PIP5K1C: variants seen among roughly 807,000 people sequenced by gnomAD.
The protein encoded by PIP5K1C is phosphatidylinositol-4-phosphate 5-kinase type 1 gamma, also known as phosphatidylinositol 4-phosphate 5-kinase type-1 gamma.
A neutral mutation model predicts 80.1 loss-of-function variants in PIP5K1C; 45 were observed. The observed-to-expected ratio is 0.56, with a 90% CI of 0.44 to 0.72. The LOEUF is 0.72. PIP5K1C is among the 30% of genes least tolerant of loss of function. PIP5K1C has a pLI of 0.00. For missense variants in PIP5K1C, 753 were observed against 954.6 expected (o/e 0.79, Z 2.78); for synonymous variants, 498 against 420.1 (o/e 1.19, Z -2.27).
rs1036604990 is a variant in PIP5K1C at position 3,637,311 on chromosome 19, C to T, written c.1920+1573G>A. ...CTGGTGATGGTGCTGCCCTATGGAG[C>T]GCCCGGTTCGACGTGGGACCGAATG... On this transcript the variant is annotated intron_variant, in intron 16 of 17. Coordinates refer to ENST00000335312, the MANE Select transcript of PIP5K1C (RefSeq NM_012398.3). This position sits in a 1 kb window ranked among gnomAD's most constrained non-coding sequence, Gnocchi z 7.0. The T allele has an allele frequency of 6.9e-5, 104 of 1,517,854 alleles. 5 individuals are homozygous for T. The South Asian group carries it at 9.6e-4, about 14-fold the overall frequency. 94.0% of individuals were successfully genotyped at this position (1,517,854 alleles called of 1,614,324 possible).
At chr19:3,699,347 A>T (rs1486300298) in intron 1 of PIP5K1C, among the ~76,000 whole-genome samples, 1 of 138,574 alleles carries the variant, frequency 7.2e-6, no homozygotes, top group Middle Eastern at 3.6e-3. Flanking sequence ...TGGGGGGGGG[A>T]CTTGATGACT....
At chr19:3,685,468 T>C (rs1476364656) in intron 1 of PIP5K1C, among the ~76,000 whole-genome samples, 2 of 151,838 alleles carry the variant, frequency 1.3e-5, no homozygotes, top group Non-Finnish European at 1.5e-5. Context: ...CGGTGGCTCA[T>C]GCCTGTAATC....
At chr19:3,667,973 G>C (rs558305316) in intron 1 of PIP5K1C, among the ~76,000 whole-genome samples, 4 of 152,294 alleles carry the variant, frequency 2.6e-5, no homozygotes, top group African/African-American at 9.6e-5. Context: ...CCCCAGGGCT[G>C]CCGCCCTCCC....
chr19:3,646,143 G>A (rs1302623479), intron 10 of PIP5K1C, 85 bp from the exon 11 acceptor site: 4 of 816,842 alleles, frequency 4.9e-6, no homozygotes, highest in Non-Finnish European at 8.7e-6. Context: ...CGCTGTATGT[G>A]TGTGGGGGGC....
chr19:3,687,505 A>G (rs948420052), intron 1 of PIP5K1C, among the ~76,000 whole-genome samples: 1 of 150,464 alleles, frequency 6.6e-6, no homozygotes, highest in Non-Finnish European at 1.5e-5. Context: ...ACACGCACAC[A>G]TGCACATACA....
chr19:3,655,862 C>G (rs1204085971), intron 6 of PIP5K1C, among the ~76,000 whole-genome samples: 1 of 152,222 alleles, frequency 6.6e-6, no homozygotes, highest in Non-Finnish European at 1.5e-5. Context: ...TGGCAGCCGC[C>G]GGCTCCTACT....
intron 16 of PIP5K1C, 137 bp downstream of exon 16, chr19:3,638,747 A>T: frequency 9.0e-7 from 1 of 1,111,664 alleles, no homozygotes; most frequent in Non-Finnish European, 1.3e-6. Context: ...GGCTGGTGAG[A>T]GAGCATGTGG....
At chr19:3,677,594 G>A (rs2035400686) in intron 1 of PIP5K1C, among the ~76,000 whole-genome samples, 1 of 151,246 alleles carries the variant, frequency 6.6e-6, no homozygotes, top group African/African-American at 2.4e-5. Context: ...AAAAAAAAGA[G>A]ACAGTGAGTC....
chr19:3,650,665 G>A (rs565656242), intron 8 of PIP5K1C, among the ~76,000 whole-genome samples: 1 of 152,354 alleles, frequency 6.6e-6, no homozygotes, highest in African/African-American at 2.4e-5. Flanking sequence ...GGCCTGCCTG[G>A]TCCCTCTGCC....
chr19:3,679,791 G>A (rs569160892), intron 1 of PIP5K1C, among the ~76,000 whole-genome samples: 3 of 152,364 alleles, frequency 2.0e-5, no homozygotes, highest in African/African-American at 7.2e-5. Flanking sequence ...AGGGTTGGAG[G>A]GGCCCAAGGG....
In PIP5K1C at chr19:3,664,892, G is replaced by C; in HGVS notation, c.149C>G (p.Pro50Arg). Reference sequence around the variant, plus strand: ...CAACTTCTTCCCATGGCCAGGGCCCGGCTGTGCCGTCATGGACAGAACCTG... The same window carrying C: ...CAACTTCTTCCCATGGCCAGGGCCCCGCTGTGCCGTCATGGACAGAACCTG... ...PTEVLSMTAQ[P>R]GPGHGKKLGH... Residue 50 changes from proline (P) to arginine (R), a missense_variant, in exon 3 of 18, where the codon CCG becomes CGG. Physicochemically the swap from Pro to Arg is moderately radical, Grantham distance 103. Around this residue, in one of 6 missense-constraint regions of PIP5K1C, gnomAD observed 139 missense variants for 289.7 expected, o/e 0.48. Coordinates refer to ENST00000335312, the MANE Select transcript of PIP5K1C (RefSeq NM_012398.3). 1.9e-6 allele frequency: 3 copies of C among 1,613,106 alleles called. No individual in the cohort carries two copies. Among genetic ancestry groups the C allele is most frequent in the Non-Finnish European group, 2.5e-6 (3 of 1,179,916 alleles).
rs367649186 is a variant in PIP5K1C, at chr19:3,651,811, C to T, written c.1127+15G>A. On this transcript the variant is annotated intron_variant, in intron 8 of 17. Coordinates refer to ENST00000335312, the MANE Select transcript of PIP5K1C (RefSeq NM_012398.3). Reference sequence around the variant, plus strand: ...AGGGAAGCGGGACGGGTCCGGCGGCCCCCCGCCCACCTACGTGTCATCCGA... The same window carrying T: ...AGGGAAGCGGGACGGGTCCGGCGGCTCCCCGCCCACCTACGTGTCATCCGA... 529 of 1,607,836 alleles carry T rather than the reference C, an allele frequency of 3.3e-4. No individual in the cohort carries two copies. Among genetic ancestry groups the T allele is most frequent in the Middle Eastern group, 6.3e-4 (3 of 4,756 alleles).
rs1183033463 is a variant in PIP5K1C at position 3,644,243 on chromosome 19, A to C, written c.1354T>G (p.Ser452Ala). ...TVFRKNSSLK[S>A]SPSKKGRGGA... is the part of the protein sequence containing the mutation. ...CCGCGCCCCTTCTTGGAGGGCGAGG[A>C]CTTCAGGGCTGCAGGGAAGGGTGGG... Residue 452 changes from serine to alanine, a missense_variant, in exon 12 of 18, where the codon TCC (serine) becomes GCC (alanine). Physicochemically the swap from Ser to Ala is moderately conservative, Grantham distance 99 (BLOSUM62 1). This residue lies in a region of PIP5K1C where 114 missense variants were observed against 152.4 expected (regional missense o/e 0.75). Transcript: ENST00000335312. 3.1e-6 allele frequency: 5 copies of C among 1,612,052 alleles called. No individual in the cohort carries two copies. The Admixed American group carries it at 8.3e-5, about 27-fold the overall frequency.
intron 11 of PIP5K1C, 136 bp downstream of exon 11, chr19:3,645,838 C>T: frequency 1.3e-6 from 1 of 770,754 alleles, no homozygotes; most frequent in Non-Finnish European, 2.4e-6. Context: ...GAGGCCCGGT[C>T]TGAGGGGGGC....
intron 1 of PIP5K1C, among the ~76,000 whole-genome samples, chr19:3,683,295 G>C (rs2035646322): frequency 1.3e-5 from 2 of 152,180 alleles, no homozygotes; most frequent in South Asian, 2.1e-4. Flanking sequence ...CCTCCTCCCA[G>C]GAGTTCCACG....
chr19:3,668,508 A>C (rs1600034777), intron 1 of PIP5K1C: 1 of 151,794 alleles, frequency 6.6e-6, no homozygotes, highest in Non-Finnish European at 1.5e-5. Context: ...GAAAAGGGGG[A>C]AACGGATTCT....
chr19:3,667,289 AC>A (rs1347520976), intron 2 of PIP5K1C, 32 bp downstream of exon 2: 2 of 1,602,754 alleles, frequency 1.2e-6, no homozygotes, highest in South Asian at 2.2e-5. Context: ...CAGGGTGGGG[AC>A]CCCAGGCCCT....
At chr19:3,689,400 C>G (rs1244669295) in intron 1 of PIP5K1C, among the ~76,000 whole-genome samples, 1 of 152,116 alleles carries the variant, frequency 6.6e-6, no homozygotes, top group African/African-American at 2.4e-5. Context: ...CCTGTAACCC[C>G]AGCACTTTGG....
intron 1 of PIP5K1C, among the ~76,000 whole-genome samples, chr19:3,671,915 G>T (rs2035218702): frequency 1.3e-5 from 2 of 152,260 alleles, no homozygotes; most frequent in South Asian, 4.1e-4. Context: ...CGTTTTCGAG[G>T]AAATTAGGTT....
Sources: allele counts gnomAD v4.1 joint callset (sites outside exome capture counted in the v4.1 genomes callset), GRCh38; gene constraint gnomAD v4.1.1; regional missense constraint gnomAD v4.1.1; non-coding constraint Gnocchi (gnomAD v3.1); transcripts MANE v1.5; gene names NCBI Gene and HGNC (gene_info 2026-07-23, HGNC 2026-07-21).